The following NBAS variants were observed in gnomAD, a reference collection of about 807,000 sequenced individuals.
NBAS encodes the protein NAG/BC035112 fusion.
Under a neutral mutation model 302.5 loss-of-function variants are expected in NBAS, and 219 were observed. The ratio of observed to expected loss-of-function variants is 0.72; its 90% CI spans 0.65 to 0.81. The LOEUF is 0.81. Ranked by LOEUF, NBAS falls within the 30% of genes least tolerant of loss-of-function variation. The pLI is 0.00. For synonymous variants in NBAS, 1,118 were observed against 1,021.6 expected, an observed-to-expected ratio of 1.09 and a Z score of -1.80; for missense variants, 2,932 against 2,841.6, an observed-to-expected ratio of 1.03 and a Z score of -0.72.
chr2:15,330,422 A>T (rs377471792), intron 36 of NBAS, among the ~76,000 whole-genome samples, 176 bp downstream of exon 36: 1 of 152,224 alleles, frequency 6.6e-6, no homozygotes. Context: ...CCATGGGAAT[A>T]TATTACATTC....
chr2:14,966,479 G>A, the NBAS span, among the ~76,000 whole-genome samples: 1 of 152,098 alleles, frequency 6.6e-6, no homozygotes, highest in Non-Finnish European at 1.5e-5. Context: ...CAGTCCCCCA[G>A]TACAGCTGCT....
chr2:15,330,193 G>A (rs1005841515), intron 36 of NBAS, among the ~76,000 whole-genome samples: 5 of 152,174 alleles, frequency 3.3e-5, no homozygotes, highest in African/African-American at 1.2e-4. Context: ...TCTACTGCCT[G>A]CCCTGACTGA....
chr2:14,985,804 C>G, the NBAS span, among the ~76,000 whole-genome samples: 1 of 152,078 alleles, frequency 6.6e-6, no homozygotes, highest in Non-Finnish European at 1.5e-5. Flanking sequence ...TTTGAGACTG[C>G]TTTAATATAA....
the NBAS span, among the ~76,000 whole-genome samples, chr2:14,841,912 C>T: frequency 1.3e-5 from 2 of 151,978 alleles, no homozygotes; most frequent in East Asian, 3.9e-4. Flanking sequence ...ACATATGGAA[C>T]ATTCTCCAGA....
At chr2:15,199,137 A>AAG (rs1665759709) in intron 48 of NBAS, among the ~76,000 whole-genome samples, 1 of 151,732 alleles carries the variant, frequency 6.6e-6, no homozygotes, top group Non-Finnish European at 1.5e-5. Flanking sequence ...AAAAAAAAAA[A>AAG]AAAAAAAAGA....
the NBAS span, among the ~76,000 whole-genome samples, chr2:15,137,923 C>T: frequency 1.3e-4 from 20 of 152,290 alleles, no homozygotes; most frequent in African/African-American, 4.8e-4. Context: ...CTACAGGCCA[C>T]CACGTCCAGC....
intron 21 of NBAS, among the ~76,000 whole-genome samples, chr2:15,442,355 A>G (rs1299233356): frequency 4.0e-5 from 6 of 149,416 alleles, no homozygotes; most frequent in East Asian, 2.0e-4. Context: ...AACTCACTCA[A>G]AACCGCTCAA....
At chr2:15,176,392 CT>C (rs948699193) in intron 51 of NBAS, among the ~76,000 whole-genome samples, 1 of 151,982 alleles carries the variant, frequency 6.6e-6, no homozygotes. Flanking sequence ...ATGAGAGATC[CT>C]TGTGTCTGGT....
intron 40 of NBAS, among the ~76,000 whole-genome samples, chr2:15,296,476 AG>A (rs1357753337): frequency 7.9e-5 from 12 of 151,970 alleles, no homozygotes; most frequent in African/African-American, 2.9e-4. Flanking sequence ...CAGTGAGCTG[AG>A]ATTGTGCTAC....
At chr2:14,979,784 C>T in the NBAS span, among the ~76,000 whole-genome samples, 2 of 152,196 alleles carry the variant, frequency 1.3e-5, no homozygotes, top group East Asian at 3.9e-4. Context: ...AAGGCACACT[C>T]CCAGGACACG....
At chr2:15,441,904 C>G (rs1678434214) in intron 21 of NBAS, among the ~76,000 whole-genome samples, 1 of 150,756 alleles carries the variant, frequency 6.6e-6, no homozygotes, top group Non-Finnish European at 1.5e-5. Context: ...TCAAAAGAGA[C>G]AAAGAAGGCC....
intron 2 of NBAS, among the ~76,000 whole-genome samples, chr2:15,557,409 T>C (rs1664698873): frequency 6.6e-6 from 1 of 152,170 alleles, no homozygotes; most frequent in African/African-American, 2.4e-5. Flanking sequence ...ACAAATTTTT[T>C]TCTAATTTGT....
chr2:14,945,546 A>G, the NBAS span, among the ~76,000 whole-genome samples: 1 of 152,212 alleles, frequency 6.6e-6, no homozygotes, highest in Non-Finnish European at 1.5e-5. Flanking sequence ...GACAACACAA[A>G]GCCAACTCAG....
chr2:15,383,219 T>G lies in NBAS; in HGVS notation c.3356A>C (p.Tyr1119Ser). 6.2e-7 allele frequency: 1 copy of G among 1,612,668 alleles called. No homozygotes were observed. Reference sequence around the variant, plus strand: ...CGTATATGGTTCTAGAGTTACCTCATAGCAGGCATCAGAATCTAGACATGT... The same window carrying G: ...CGTATATGGTTCTAGAGTTACCTCAGAGCAGGCATCAGAATCTAGACATGT... Reference protein sequence around the residue: ...VYTCLDSDACYEIFTESLLCS... With the variant: ...VYTCLDSDACSEIFTESLLCS... The change falls in exon 29 of 52, where the codon TAT (tyrosine) becomes TCT (serine). Residue 1119 changes from tyrosine to serine, a missense_variant. Physicochemically the swap from Tyr to Ser is moderately radical, Grantham distance 144. Coordinates refer to ENST00000281513, the MANE Select transcript of NBAS (RefSeq NM_015909.4).
the NBAS span, among the ~76,000 whole-genome samples, chr2:15,124,047 T>C: frequency 6.6e-6 from 1 of 152,184 alleles, no homozygotes; most frequent in African/African-American, 2.4e-5. Flanking sequence ...GGTAGAGATA[T>C]GGACGGTGAA....
the NBAS span, among the ~76,000 whole-genome samples, chr2:14,985,509 A>G: frequency 5.3e-5 from 8 of 152,250 alleles, no homozygotes; most frequent in African/African-American, 1.7e-4. Context: ...AGACAACTAA[A>G]TAGCTGAGAA....
At chr2:14,816,170 C>A in the NBAS span, among the ~76,000 whole-genome samples, 1 of 152,170 alleles carries the variant, frequency 6.6e-6, no homozygotes, top group African/African-American at 2.4e-5. Context: ...CAGGGATCTC[C>A]AACTTCCAGG....
intron 10 of NBAS, among the ~76,000 whole-genome samples, chr2:15,509,370 G>A (rs1373222198): frequency 1.3e-5 from 2 of 152,156 alleles, no homozygotes. Context: ...AGAGAATAAA[G>A]GGCTGATAGA....
chr2:15,201,727 G>A (rs1252000983), intron 48 of NBAS, among the ~76,000 whole-genome samples: 3 of 152,124 alleles, frequency 2.0e-5, no homozygotes. Flanking sequence ...AACATTAAAA[G>A]TAAGGGTGCT....
Sources: gnomAD v4.1 joint callset for allele counts (sites outside exome capture counted in the v4.1 genomes callset) on GRCh38, gnomAD v4.1.1 for gene constraint, MANE v1.5 for transcripts, NCBI Gene and HGNC (gene_info 2026-07-23, HGNC 2026-07-21) for gene names.